Variants in FAT3 observed in about 807,000 individuals in gnomAD.
FAT3 encodes protocadherin Fat 3.
In FAT3, 95 loss-of-function variants were observed where a neutral mutation model predicts 310.2. That is an observed-to-expected ratio of 0.31 (90% CI 0.26 to 0.36). FAT3 has a LOEUF of 0.36. Among genes scored for constraint, FAT3 ranks in the 10% least tolerant of loss-of-function variants. The probability of loss-of-function intolerance (pLI) is 1.00; values close to 1 mark genes in which losing one functional copy is unlikely to be tolerated. For missense variants in FAT3, 5,408 were observed against 5,715.6 expected, an observed-to-expected ratio of 0.95 and a Z score of 1.74; for synonymous variants, 2,314 against 2,192.9, an observed-to-expected ratio of 1.06 and a Z score of -1.54.
intron 2 of FAT3, among the ~76,000 whole-genome samples, chr11:92,383,988 C>T (rs544289798): frequency 6.6e-6 from 1 of 152,016 alleles, no homozygotes; most frequent in Admixed American, 6.5e-5. Context: ...ATCTGGAATC[C>T]TGAGATTATA....
At chr11:92,680,366 A>G (rs1183146428) in intron 3 of FAT3, among the ~76,000 whole-genome samples, 1 of 152,176 alleles carries the variant, frequency 6.6e-6, no homozygotes, top group South Asian at 2.1e-4. Context: ...TGAAGAAGCT[A>G]TCCTTTCTCA....
intron 13 of FAT3, among the ~76,000 whole-genome samples, chr11:92,815,608 GGTGAAAGCCAGATTGAGATTTCAGAT>G (rs1947802522): frequency 6.6e-6 from 1 of 152,028 alleles, no homozygotes; most frequent in Non-Finnish European, 1.5e-5. Context: ...ATAAGGAGCT[GGTGAAAGCCAGATTGAGATTTCAGAT>G]GTGAAATCTG....
Position 92,355,217 on chromosome 11 carries a change from T to G in FAT3, c.3105T>G (p.Asn1035Lys), listed in dbSNP as rs765323524. ...SFVEVEVVDV[N>K]ENLHTPYFPD... ...TTGAGGTGGAAGTGGTGGATGTCAA[T>G]GAAAACCTCCACACTCCCTATTTCC... Residue 1035 changes from asparagine to lysine, a missense_variant, in exon 2 of 28, where the codon AAT becomes AAG. Coordinates refer to ENST00000525166, the MANE Select transcript of FAT3 (RefSeq NM_001367949.2). The G allele has an allele frequency of 1.2e-6, 2 of 1,613,782 alleles. No homozygotes were observed. Among genetic ancestry groups the G allele is most frequent in the South Asian group, 2.2e-5 (2 of 91,076 alleles).
intron 3 of FAT3, among the ~76,000 whole-genome samples, chr11:92,614,256 G>T (rs1940700379): frequency 6.6e-6 from 1 of 152,004 alleles, no homozygotes; most frequent in African/African-American, 2.4e-5. Context: ...TTTGTCTTAG[G>T]AATATACATA....
intron 1 of FAT3, among the ~76,000 whole-genome samples, chr11:92,318,455 T>A (rs1947525839): frequency 1.3e-5 from 2 of 152,180 alleles, no homozygotes; most frequent in South Asian, 2.1e-4. Context: ...TAGGGAGAGT[T>A]CTAATTCCGT....
chr11:92,238,265 T>A (rs1312404956), intron 1 of FAT3, among the ~76,000 whole-genome samples: 2 of 152,160 alleles, frequency 1.3e-5, no homozygotes, highest in African/African-American at 2.4e-5. Context: ...TTACAGTCTG[T>A]TCCATAATGT....
At chr11:92,632,760 C>T (rs1056166906) in intron 3 of FAT3, among the ~76,000 whole-genome samples, 6 of 152,202 alleles carry the variant, frequency 3.9e-5, no homozygotes, top group Admixed American at 3.3e-4. Flanking sequence ...GATGGAATTC[C>T]ACCTTCTGGC....
At chr11:92,307,234 T>C (rs1301346503) in intron 1 of FAT3, among the ~76,000 whole-genome samples, 1 of 140,380 alleles carries the variant, frequency 7.1e-6, no homozygotes, top group Admixed American at 7.2e-5. Flanking sequence ...GGCAGTTCCA[T>C]ACAAGATAAC....
At chr11:92,859,462 G>A (rs1949068062) in intron 21 of FAT3, 140 bp downstream of exon 21, 2 of 859,512 alleles carry the variant, frequency 2.3e-6, no homozygotes, top group Non-Finnish European at 3.3e-6. Context: ...GGGAGCAGCG[G>A]CAGAACTGGG....
At chr11:92,639,142 G>A (rs2135722674) in intron 3 of FAT3, among the ~76,000 whole-genome samples, 1 of 152,272 alleles carries the variant, frequency 6.6e-6, no homozygotes, top group Admixed American at 6.5e-5. Context: ...CTCTTGGTCA[G>A]GAATCAACCA....
chr11:92,390,415 G>A (rs970608147), intron 2 of FAT3, among the ~76,000 whole-genome samples: 16 of 152,258 alleles, frequency 1.1e-4, no homozygotes, highest in African/African-American at 3.9e-4. Context: ...AGGGCACCCA[G>A]CCTAAACCTA....
chr11:92,361,511 C>T (rs1948882737), intron 2 of FAT3, among the ~76,000 whole-genome samples: 1 of 152,162 alleles, frequency 6.6e-6, no homozygotes, highest in Non-Finnish European at 1.5e-5. Context: ...AGCTAGCTCC[C>T]CTGCTCTTCT....
At chr11:92,335,875 A>G (rs368977612) in intron 1 of FAT3, among the ~76,000 whole-genome samples, 5 of 152,218 alleles carry the variant, frequency 3.3e-5, no homozygotes, top group East Asian at 1.9e-4. Flanking sequence ...CCCAAAATCA[A>G]ACAGACACAA....
At chr11:92,435,582 T>TC (rs1240974700) in intron 2 of FAT3, among the ~76,000 whole-genome samples, 2 of 150,824 alleles carry the variant, frequency 1.3e-5, no homozygotes, top group African/African-American at 4.9e-5. Flanking sequence ...TTTTTTTTTT[T>TC]TGAAACAGTG....
chr11:92,832,368 C>A (rs1164092836), intron 14 of FAT3, among the ~76,000 whole-genome samples: 3 of 151,894 alleles, frequency 2.0e-5, no homozygotes, highest in Admixed American at 2.0e-4. Context: ...TGCAGGACTT[C>A]ACTATATCCT....
chr11:92,816,932 C>T (rs1262759496), intron 13 of FAT3, among the ~76,000 whole-genome samples: 1 of 151,936 alleles, frequency 6.6e-6, no homozygotes, highest in African/African-American at 2.4e-5. Flanking sequence ...GCCGAGATCA[C>T]CCCACTGCAT....
chr11:92,476,139 G>A (rs1952047265), intron 2 of FAT3, among the ~76,000 whole-genome samples: 1 of 151,842 alleles, frequency 6.6e-6, no homozygotes, highest in South Asian at 2.1e-4. Context: ...AGGGCTGGGT[G>A]GGTGGACAGT....
At chr11:92,889,086 A>G (rs1390010698) in intron 25 of FAT3, 103 bp from the exon 26 acceptor site, 11 of 571,026 alleles carry the variant, frequency 1.9e-5, no homozygotes, top group Middle Eastern at 5.2e-4. Flanking sequence ...CCGCACCTTC[A>G]TTGTTGCTGT....
intron 2 of FAT3, among the ~76,000 whole-genome samples, chr11:92,418,222 T>C (rs993295451): frequency 3.3e-5 from 5 of 152,166 alleles, no homozygotes; most frequent in African/African-American, 1.2e-4. Context: ...AATTTCCTTA[T>C]ACTGGATAAC....
Sources: allele counts gnomAD v4.1 joint callset (sites outside exome capture counted in the v4.1 genomes callset), GRCh38; gene constraint gnomAD v4.1.1; transcripts MANE v1.5; gene names NCBI Gene and HGNC (gene_info 2026-07-23, HGNC 2026-07-21).